Variants in CLNK observed in about 807,000 individuals in gnomAD.
The protein encoded by CLNK is cytokine dependent hematopoietic cell linker.
In CLNK, 74 loss-of-function variants were observed where a neutral mutation model predicts 68.6. The ratio of observed to expected loss-of-function variants is 1.08; its 90% CI spans 0.89 to 1.31. CLNK has a LOEUF of 1.31. Among genes scored for constraint, CLNK ranks in the 50% most tolerant of loss-of-function variants. The probability of loss-of-function intolerance (pLI) is 0.00; values close to 1 mark genes in which losing one functional copy is unlikely to be tolerated. For synonymous variants in CLNK, 198 were observed against 172.2 expected, an observed-to-expected ratio of 1.15 and a Z score of -1.17; for missense variants, 553 against 515.3, an observed-to-expected ratio of 1.07 and a Z score of -0.71.
At chr4:10,643,641 C>T (rs1449161240) in intron 2 of CLNK, among the ~76,000 whole-genome samples, 1 of 152,208 alleles carries the variant, frequency 6.6e-6, no homozygotes, top group African/African-American at 2.4e-5. Flanking sequence ...GCCAGTATCC[C>T]CACTCTCACA....
rs575836884 is a variant in CLNK, at chr4:10,597,841, C to A, written c.83+137G>T. ...CCCAGCCAATCCCCTTCTCCTGCAC[C>A]TTGGTCTCTGTCTGACCTCTAAGTC... On this transcript the variant is annotated intron_variant, in intron 3 of 18. Transcript: ENST00000226951. 23 of 643,672 alleles carry A rather than the reference C, an allele frequency of 3.6e-5. 1 individual carries two copies. The highest frequency in any genetic ancestry group is 4.3e-4 in the Middle Eastern group (1 of 2,342). 39.9% of individuals were successfully genotyped at this position (643,672 alleles called of 1,614,324 possible).
Position 10,513,484 on chromosome 4 carries a change from G to A in CLNK, c.886C>T (p.Pro296Ser), listed in dbSNP as rs1476134757. Reference sequence around the variant, plus strand: ...CTTACCTTTCTATCAGACCTTTTGGGGAAAGGTGGTCTCCAGCTTGTGTAT... The same window carrying A: ...CTTACCTTTCTATCAGACCTTTTGGAGAAAGGTGGTCTCCAGCTTGTGTAT... ...YKYTSWRPPF[P>S]KRSDRKDVQH... The change falls in exon 16 of 19, where the codon CCC becomes TCC. Residue 296 changes from proline (P) to serine (S), a missense_variant. Transcript: ENST00000226951. The A allele has an allele frequency of 6.2e-7, 1 of 1,611,608 alleles. No individual in the cohort carries two copies. Among genetic ancestry groups the A allele is most frequent in the South Asian group, 1.1e-5 (1 of 90,304 alleles).
At chr4:10,726,558 T>C in the CLNK span, among the ~76,000 whole-genome samples, 15 of 151,574 alleles carry the variant, frequency 9.9e-5, no homozygotes, top group Non-Finnish European at 1.8e-4. Flanking sequence ...AAGGTTACAC[T>C]CCTAGGTCCT....
intron 17 of CLNK, among the ~76,000 whole-genome samples, chr4:10,504,528 C>T (rs953367294): frequency 5.9e-5 from 9 of 152,176 alleles, no homozygotes; most frequent in Non-Finnish European, 1.3e-4. Flanking sequence ...TAAAGCATCA[C>T]GGTTACTAAA....
chr4:10,558,538 C>A (rs1719766144), intron 7 of CLNK, 86 bp from the exon 8 acceptor site: 1 of 1,322,824 alleles, frequency 7.6e-7, no homozygotes, highest in Non-Finnish European at 1.1e-6. Context: ...GGTTAGGTTC[C>A]CAAGGATAAA....
At chr4:10,569,361 T>G (rs1022909709) in intron 5 of CLNK, among the ~76,000 whole-genome samples, 11 of 152,036 alleles carry the variant, frequency 7.2e-5, no homozygotes, top group African/African-American at 2.4e-4. Context: ...TCTGGGTTTC[T>G]CCCTCTCTCT....
At chr4:10,672,046 T>G (rs1393744904) in intron 1 of CLNK, among the ~76,000 whole-genome samples, 1 of 152,094 alleles carries the variant, frequency 6.6e-6, no homozygotes, top group Non-Finnish European at 1.5e-5. Context: ...AAGATTGCAA[T>G]GCATTGTGGG....
intron 2 of CLNK, among the ~76,000 whole-genome samples, chr4:10,641,902 C>T (rs1723321942): frequency 6.6e-6 from 1 of 152,094 alleles, no homozygotes. Context: ...AAAGGGTTTC[C>T]CCTTTTGCTT....
the CLNK span, among the ~76,000 whole-genome samples, chr4:10,710,418 G>A: frequency 6.6e-6 from 1 of 152,110 alleles, no homozygotes; most frequent in Non-Finnish European, 1.5e-5. Context: ...GAAACCAAAG[G>A]GTACCAGCCT....
intron 2 of CLNK, among the ~76,000 whole-genome samples, chr4:10,652,405 G>GAAAAAAAAAAAAAAA (rs1237549000): frequency 8.5e-6 from 1 of 118,088 alleles, no homozygotes; most frequent in Non-Finnish European, 1.9e-5. Context: ...AAAAAAAAAG[G>GAAAAAAAAAAAAAAA]AAAAAAAAGA....
rs139430525 is a variant in CLNK at position 10,613,036 on chromosome 4, G to A, written c.12-14987C>T. Among the ~76,000 whole-genome samples, 374 of 152,232 alleles carry A rather than the reference G, an allele frequency of 2.5e-3. 1 individual carries two copies. Among genetic ancestry groups the A allele is most frequent in the African/African-American group, 8.2e-3 (341 of 41,534 alleles). On this transcript the variant is annotated intron_variant, in intron 2 of 18. Coordinates refer to ENST00000226951, the MANE Select transcript of CLNK (RefSeq NM_052964.4). ...TTTTTCTTAGTGCTCAATGTGGGCCGAGAATTACTCTCAGTGCTCAAGATA... is the reference window on the plus strand; with the variant it reads ...TTTTTCTTAGTGCTCAATGTGGGCCAAGAATTACTCTCAGTGCTCAAGATA...
At chr4:10,726,757 C>T in the CLNK span, among the ~76,000 whole-genome samples, 1 of 152,098 alleles carries the variant, frequency 6.6e-6, no homozygotes, top group African/African-American at 2.4e-5. Context: ...AAGACATGCC[C>T]CTCCACCTCC....
At chr4:10,596,213 CGGGG>C (rs1721378489) in intron 3 of CLNK, among the ~76,000 whole-genome samples, 3 of 151,998 alleles carry the variant, frequency 2.0e-5, no homozygotes, top group Non-Finnish European at 4.4e-5. Context: ...TTAGTAGAGA[CGGGG>C]TTTCTCCATG....
intron 17 of CLNK, among the ~76,000 whole-genome samples, 186 bp downstream of exon 17, chr4:10,507,773 C>T (rs368818188): frequency 1.8e-4 from 27 of 152,262 alleles, no homozygotes; most frequent in Admixed American, 7.2e-4. Context: ...TGAGCCACTG[C>T]GCCCGGCCTG....
chr4:10,724,456 C>T, the CLNK span, among the ~76,000 whole-genome samples: 1 of 151,340 alleles, frequency 6.6e-6, no homozygotes, highest in Non-Finnish European at 1.5e-5. Context: ...TACTATACGC[C>T]ACTCTTGATA....
chr4:10,619,179 C>T (rs1027354296), intron 2 of CLNK, among the ~76,000 whole-genome samples: 9 of 152,162 alleles, frequency 5.9e-5, no homozygotes, highest in Non-Finnish European at 1.0e-4. Flanking sequence ...TGCAGGTAGG[C>T]GAACACCCAT....
chr4:10,553,197 C>T (rs1364952045), intron 8 of CLNK, among the ~76,000 whole-genome samples: 1 of 152,084 alleles, frequency 6.6e-6, no homozygotes, highest in African/African-American at 2.4e-5. Flanking sequence ...ACTGTGAACC[C>T]AGAATTGAAA....
chr4:10,556,140 C>G (rs1437253586), intron 8 of CLNK, among the ~76,000 whole-genome samples: 63 of 152,234 alleles, frequency 4.1e-4, no homozygotes, highest in Non-Finnish European at 7.4e-5. Context: ...ATATATCAGC[C>G]AACATTCGCT....
intron 2 of CLNK, among the ~76,000 whole-genome samples, chr4:10,606,196 A>C (rs1367400605): frequency 1.3e-5 from 2 of 152,180 alleles, no homozygotes; most frequent in Non-Finnish European, 2.9e-5. Context: ...AACTTTCAAA[A>C]TTTTTATTAC....
Sources: gnomAD v4.1 joint callset for allele counts (sites outside exome capture counted in the v4.1 genomes callset) on GRCh38, gnomAD v4.1.1 for gene constraint, MANE v1.5 for transcripts, NCBI Gene and HGNC (gene_info 2026-07-23, HGNC 2026-07-21) for gene names.